PRICKLE2: variants seen among roughly 807,000 people sequenced by gnomAD.
PRICKLE2 encodes the protein prickle-like protein 2.
PRICKLE2 carries 21 observed loss-of-function variants against 81.4 expected under a neutral mutation model. The ratio of observed to expected loss-of-function variants is 0.26; its 90% CI spans 0.18 to 0.37. The LOEUF is 0.37. Among genes scored for constraint, PRICKLE2 ranks in the 10% least tolerant of loss-of-function variants. PRICKLE2 has a pLI of 1.00. For missense variants in PRICKLE2, 940 were observed against 1,109.0 expected, an observed-to-expected ratio of 0.85 and a Z score of 2.16; for synonymous variants, 456 against 421.5, an observed-to-expected ratio of 1.08 and a Z score of -1.00.
At chr3:64,258,865 G>GAAAGAAAGAAAGAAAGAAAGAAAT (rs1553663517) in intron 2 of PRICKLE2, among the ~76,000 whole-genome samples, 42 of 141,898 alleles carry the variant, frequency 3.0e-4, no homozygotes, top group Non-Finnish European at 5.1e-4. Flanking sequence ...AAGAAAGAAA[G>GAAAGAAAGAAAGAAAGAAAGAAAT]AAAGAAAGAA....
intron 2 of PRICKLE2, among the ~76,000 whole-genome samples, chr3:64,251,145 A>T (rs1225302319): frequency 1.3e-5 from 2 of 152,204 alleles, no homozygotes; most frequent in African/African-American, 4.8e-5. Context: ...TCAATCCAAC[A>T]TGTGGTGCCC....
rs12494731 is a variant in PRICKLE2 at position 64,096,327 on chromosome 3, G to T, written c.*2724C>A. 21,385 of 152,230 alleles carry T rather than the reference G, an allele frequency of 0.14. 1,905 individuals are homozygous for T. Among genetic ancestry groups the T allele is most frequent in the Middle Eastern group, 0.26 (77 of 294 alleles). The allele number at this position is 152,230 out of a possible 1,614,324, so 9.4% of individuals were successfully genotyped here. Reference sequence around the variant, plus strand: ...ATAAGAGTTAATGGTTGTGATGGAGGAATTAGGTGAGGACCTTAAGTTCTT... The same window carrying T: ...ATAAGAGTTAATGGTTGTGATGGAGTAATTAGGTGAGGACCTTAAGTTCTT... On this transcript the variant is annotated 3_prime_UTR_variant, in exon 8 of 8. Coordinates refer to ENST00000638394, the MANE Select transcript of PRICKLE2 (RefSeq NM_198859.4).
At chr3:64,213,358 G>A (rs555309166) in intron 1 of PRICKLE2, among the ~76,000 whole-genome samples, 1 of 152,174 alleles carries the variant, frequency 6.6e-6, no homozygotes, top group African/African-American at 2.4e-5. Flanking sequence ...GGATTAAAGG[G>A]GTGAGCCACC....
intron 7 of PRICKLE2, among the ~76,000 whole-genome samples, chr3:64,140,136 C>T (rs1036147119): frequency 6.6e-6 from 1 of 152,176 alleles, no homozygotes; most frequent in African/African-American, 2.4e-5. Context: ...TCTATGAACT[C>T]ACTCATTTAA....
chr3:64,222,357 G>C (rs2078969013), intron 1 of PRICKLE2, among the ~76,000 whole-genome samples: 1 of 152,110 alleles, frequency 6.6e-6, no homozygotes, highest in Non-Finnish European at 1.5e-5. Flanking sequence ...CGAGTTTCTT[G>C]GGAAAGAATT....
At chr3:64,192,876 C>T (rs2078371250) in intron 2 of PRICKLE2, among the ~76,000 whole-genome samples, 1 of 152,210 alleles carries the variant, frequency 6.6e-6, no homozygotes, top group Non-Finnish European at 1.5e-5. Context: ...TCCATGAACA[C>T]TTGGGAGCAT....
chr3:64,245,015 G>A (rs1575708431), intron 2 of PRICKLE2, among the ~76,000 whole-genome samples: 3 of 152,238 alleles, frequency 2.0e-5, no homozygotes, highest in East Asian at 3.9e-4. Flanking sequence ...TCTAAAGAAT[G>A]TGGAATTAAG....
intron 7 of PRICKLE2, among the ~76,000 whole-genome samples, chr3:64,113,844 C>A (rs1206459826): frequency 6.6e-6 from 1 of 152,200 alleles, no homozygotes; most frequent in Non-Finnish European, 1.5e-5. Flanking sequence ...CACCCTGCCC[C>A]AAGCCAATAC....
chr3:64,168,796 T>A (rs916002358), intron 2 of PRICKLE2, among the ~76,000 whole-genome samples: 1 of 152,074 alleles, frequency 6.6e-6, no homozygotes, highest in Non-Finnish European at 1.5e-5. Context: ...TCCCAATAGG[T>A]CTGCGTGGCT....
intron 1 of PRICKLE2, among the ~76,000 whole-genome samples, chr3:64,206,600 T>C (rs2078692949): frequency 6.6e-6 from 1 of 152,182 alleles, no homozygotes; most frequent in Non-Finnish European, 1.5e-5. Context: ...TCCCCTGTGG[T>C]GTGGGCTCCT....
intron 2 of PRICKLE2, among the ~76,000 whole-genome samples, chr3:64,239,504 C>G (rs899263474): frequency 3.9e-5 from 6 of 152,298 alleles, no homozygotes; most frequent in East Asian, 1.9e-4. Context: ...TCTGAGCCAC[C>G]AGGTGCTATC....
At chr3:64,112,098 T>C (rs1417846423) in intron 7 of PRICKLE2, among the ~76,000 whole-genome samples, 1 of 152,206 alleles carries the variant, frequency 6.6e-6, no homozygotes, top group Non-Finnish European at 1.5e-5. Flanking sequence ...CTAAGCTTTT[T>C]TATTTAATCT....
intron 3 of PRICKLE2, 22 bp downstream of exon 3, chr3:64,162,994 T>C (rs775329010): frequency 6.8e-7 from 1 of 1,477,852 alleles, no homozygotes; most frequent in Non-Finnish European, 9.5e-7. Flanking sequence ...AAATTCTGCA[T>C]AAGCCCCCTC....
chr3:64,107,821 T>C (rs768711961), intron 7 of PRICKLE2, among the ~76,000 whole-genome samples: 2 of 152,218 alleles, frequency 1.3e-5, no homozygotes, highest in African/African-American at 2.4e-5. Flanking sequence ...AAAATAACTT[T>C]TTTAAGCATT....
chr3:64,239,112 C>T (rs958798997), intron 2 of PRICKLE2, among the ~76,000 whole-genome samples: 6 of 152,190 alleles, frequency 3.9e-5, no homozygotes, highest in African/African-American at 1.4e-4. Context: ...ATTTAGCACC[C>T]TCCTCTGAGG....
At chr3:64,257,098 AC>A (rs1356345353) in intron 2 of PRICKLE2, among the ~76,000 whole-genome samples, 3 of 152,158 alleles carry the variant, frequency 2.0e-5, no homozygotes, top group African/African-American at 7.2e-5. Context: ...GTAATGCTTC[AC>A]CCATTCATTT....
At chr3:64,234,595 C>G (rs2079153998) in intron 2 of PRICKLE2, among the ~76,000 whole-genome samples, 1 of 152,084 alleles carries the variant, frequency 6.6e-6, no homozygotes, top group Admixed American at 6.5e-5. Context: ...AATGTTTTCT[C>G]CCATCATGTG....
intron 2 of PRICKLE2, among the ~76,000 whole-genome samples, chr3:64,192,616 A>C (rs2078363957): frequency 6.6e-6 from 1 of 152,182 alleles, no homozygotes. Flanking sequence ...CAAGGCTCAA[A>C]TCCAACTAAT....
chr3:64,126,272 G>A (rs1218978686), intron 7 of PRICKLE2, among the ~76,000 whole-genome samples: 2 of 152,162 alleles, frequency 1.3e-5, no homozygotes, highest in African/African-American at 4.8e-5. Flanking sequence ...ACTAGGAGAT[G>A]CAGCAAAGAA....
Sources: allele counts gnomAD v4.1 joint callset (sites outside exome capture counted in the v4.1 genomes callset), GRCh38; gene constraint gnomAD v4.1.1; transcripts MANE v1.5; gene names NCBI Gene and HGNC (gene_info 2026-07-23, HGNC 2026-07-21).